The following EPB41L4A variants were observed in gnomAD, a reference collection of about 807,000 sequenced individuals.
EPB41L4A encodes the protein band 4.1-like protein 4A.
In EPB41L4A, 100 loss-of-function variants were observed where a neutral mutation model predicts 108.6. The ratio of observed to expected loss-of-function variants is 0.92; its 90% CI spans 0.78 to 1.09. The LOEUF (loss-of-function observed/expected upper bound fraction) is 1.09. Ranked by LOEUF, EPB41L4A falls within the 50% of genes least tolerant of loss-of-function variation. The probability of loss-of-function intolerance (pLI) is 0.00; values close to 1 mark genes in which losing one functional copy is unlikely to be tolerated. For synonymous variants in EPB41L4A, 319 were observed against 289.0 expected (o/e 1.10, Z -1.05); for missense variants, 1,030 against 842.7 (o/e 1.22, Z -2.75).
chr5:112,221,621 T>G (rs1370688964), intron 12 of EPB41L4A, among the ~76,000 whole-genome samples: 2 of 152,224 alleles, frequency 1.3e-5, no homozygotes, highest in African/African-American at 4.8e-5. Context: ...GTTATTTGTA[T>G]ATGACTTAGT....
intron 2 of EPB41L4A, among the ~76,000 whole-genome samples, chr5:112,298,890 C>T (rs756880884): frequency 6.6e-6 from 1 of 152,044 alleles, no homozygotes; most frequent in African/African-American, 2.4e-5. Context: ...TGTCTCTTTC[C>T]AGGAATTTAT....
At chr5:112,324,815 G>A (rs1296359556) in intron 1 of EPB41L4A, among the ~76,000 whole-genome samples, 1 of 151,026 alleles carries the variant, frequency 6.6e-6, no homozygotes, top group Non-Finnish European at 1.5e-5. Flanking sequence ...ATTTGACCAT[G>A]CAGCAAAAGA....
Position 112,164,751 on chromosome 5 carries a change from C to T in EPB41L4A, c.*239G>A. ...TCGGGAGCCTGAGACAGGAGAATCG[C>T]TTAACCCAGTAAGTGGAGGCTGCGG... On this transcript the variant is annotated 3_prime_UTR_variant, in exon 23 of 23. Transcript: ENST00000261486. 2 of 299,346 alleles carry T rather than the reference C, an allele frequency of 6.7e-6. No individual in the cohort carries two copies. Among genetic ancestry groups the T allele is most frequent in the Non-Finnish European group, 1.2e-5 (2 of 163,874 alleles). The allele number at this position is 299,346 out of a possible 1,614,324, so 18.5% of individuals were successfully genotyped here.
chr5:112,396,852 G>C (rs1387520147), intron 1 of EPB41L4A, among the ~76,000 whole-genome samples: 1 of 152,216 alleles, frequency 6.6e-6, no homozygotes, highest in Non-Finnish European at 1.5e-5. Context: ...TCTGAAAGGA[G>C]AAGTATCAAG....
At chr5:112,224,314 T>C (rs940521087) in intron 12 of EPB41L4A, among the ~76,000 whole-genome samples, 1 of 152,082 alleles carries the variant, frequency 6.6e-6, no homozygotes, top group Non-Finnish European at 1.5e-5. Flanking sequence ...GTATTTCCAA[T>C]GGCAAAACTA....
At chr5:112,334,671 C>A (rs1226105600) in intron 1 of EPB41L4A, among the ~76,000 whole-genome samples, 1 of 152,106 alleles carries the variant, frequency 6.6e-6, no homozygotes, top group Non-Finnish European at 1.5e-5. Flanking sequence ...CAATGTATAC[C>A]TTACATGTAT....
At chr5:112,376,633 C>T (rs1471870217) in intron 1 of EPB41L4A, among the ~76,000 whole-genome samples, 1 of 152,204 alleles carries the variant, frequency 6.6e-6, no homozygotes, top group Non-Finnish European at 1.5e-5. Flanking sequence ...ACAACCCACA[C>T]ATCCTTCAGC....
chr5:112,265,127 A>T (rs1751760966), intron 5 of EPB41L4A, 111 bp from the exon 6 acceptor site: 9 of 959,770 alleles, frequency 9.4e-6, no homozygotes, highest in Middle Eastern at 3.0e-4. Context: ...TCTTACTAAA[A>T]TTCACATATA....
chr5:112,245,095 A>C (rs890429859), intron 9 of EPB41L4A, among the ~76,000 whole-genome samples: 1 of 151,514 alleles, frequency 6.6e-6, no homozygotes, highest in East Asian at 2.0e-4. Context: ...AAAGCACAAT[A>C]AAGTGAAGTG....
At chr5:112,195,613 T>C in intron 16 of EPB41L4A, 48 bp downstream of exon 16, 1 of 1,491,450 alleles carries the variant, frequency 6.7e-7, no homozygotes, top group Non-Finnish European at 9.4e-7. Flanking sequence ...TTTCTAAATC[T>C]GCTAACCCTT....
intron 1 of EPB41L4A, among the ~76,000 whole-genome samples, chr5:112,393,938 C>T (rs12020929): frequency 1.1e-3 from 172 of 152,048 alleles, no homozygotes; most frequent in Non-Finnish European, 1.6e-3. Context: ...GTTCAACATA[C>T]GCAAATCAAT....
chr5:112,343,290 T>C (rs910302538), intron 1 of EPB41L4A, among the ~76,000 whole-genome samples: 1 of 152,136 alleles, frequency 6.6e-6, no homozygotes, highest in African/African-American at 2.4e-5. Flanking sequence ...AGAAGAAATA[T>C]ATAGTATGGA....
chr5:112,388,391 A>G (rs1322427372), intron 1 of EPB41L4A, among the ~76,000 whole-genome samples: 1 of 152,156 alleles, frequency 6.6e-6, no homozygotes, highest in East Asian at 1.9e-4. Context: ...CTTGGCTCTC[A>G]GGCTCCTCTA....
rs149032849 is a variant in EPB41L4A, at chr5:112,372,569, T to C, written c.99+46372A>G. Among the ~76,000 whole-genome samples the C allele has an allele frequency of 2.0e-4, 30 of 152,222 alleles. No homozygotes were observed. The East Asian group carries it at 5.8e-3, about 29-fold the overall frequency. ...GTACAAAGACCTGAAGGCAGGAAAG[T>C]ATAGGATACATTTCAGAAATGAAAG... On this transcript the variant is annotated intron_variant, in intron 1 of 22. Transcript: ENST00000261486.
intron 12 of EPB41L4A, among the ~76,000 whole-genome samples, chr5:112,146,995 G>C (rs1045513595): frequency 1.3e-5 from 2 of 152,204 alleles, no homozygotes; most frequent in Non-Finnish European, 2.9e-5. Context: ...AAAATGTGGT[G>C]ATTCTACTCC....
intron 11 of EPB41L4A, among the ~76,000 whole-genome samples, chr5:112,237,478 G>C (rs910219636): frequency 6.6e-6 from 1 of 152,040 alleles, no homozygotes; most frequent in African/African-American, 2.4e-5. Context: ...CAACCACAAA[G>C]ACACTAACAC....
intron 1 of EPB41L4A, among the ~76,000 whole-genome samples, chr5:112,339,637 G>A (rs1456581675): frequency 6.6e-6 from 1 of 150,822 alleles, no homozygotes; most frequent in East Asian, 1.9e-4. Context: ...GGGTTCAAGC[G>A]ATTCCCCCGC....
intron 15 of EPB41L4A, among the ~76,000 whole-genome samples, chr5:112,200,534 T>G (rs1762169944): frequency 6.6e-6 from 1 of 152,186 alleles, no homozygotes; most frequent in Admixed American, 6.5e-5. Flanking sequence ...TAACAGCATC[T>G]AAGCTCCCAA....
chr5:112,323,418 A>G (rs983433119), intron 1 of EPB41L4A, among the ~76,000 whole-genome samples: 2 of 152,220 alleles, frequency 1.3e-5, no homozygotes, highest in African/African-American at 4.8e-5. Flanking sequence ...TTACTACTCA[A>G]CTGTCTACAT....
Sources: allele counts gnomAD v4.1 joint callset (sites outside exome capture counted in the v4.1 genomes callset), GRCh38; gene constraint gnomAD v4.1.1; transcripts MANE v1.5; gene names NCBI Gene and HGNC (gene_info 2026-07-23, HGNC 2026-07-21).